Variants in C8G observed in about 807,000 individuals in gnomAD.
C8G encodes complement component C8 gamma chain.
C8G carries 38 observed loss-of-function variants against 29.1 expected under a neutral mutation model. The ratio of observed to expected loss-of-function variants is 1.31; its 90% CI spans 1.01 to 1.71. The LOEUF (loss-of-function observed/expected upper bound fraction) is 1.71. C8G is among the 40% of genes most tolerant of loss of function. The probability of loss-of-function intolerance (pLI) is 0.00; values close to 1 mark genes in which losing one functional copy is unlikely to be tolerated. For synonymous variants in C8G, 158 were observed against 113.2 expected (o/e 1.40, Z -2.51); for missense variants, 300 against 267.4 (o/e 1.12, Z -0.85).
Position 136,946,157 on chromosome 9 carries a change from T to C in C8G, c.419T>C (p.Leu140Pro). The change falls in exon 4 of 7, where the codon CTG (leucine) becomes CCG (proline). Residue 140 changes from leucine (L) to proline (P), a missense_variant. Physicochemically the swap from Leu to Pro is moderately conservative, Grantham distance 98. Transcript: ENST00000371634. Reference sequence around the variant, plus strand: ...TACCAGAGTTTCGCTGTCCTGTACCTGGAGCGGGCGGGGCAGCTGTCAGTG... The same window carrying C: ...TACCAGAGTTTCGCTGTCCTGTACCCGGAGCGGGCGGGGCAGCTGTCAGTG... ...TDYQSFAVLYLERAGQLSVKL... is the reference protein window; with the variant it reads ...TDYQSFAVLYPERAGQLSVKL... 1 of 1,573,040 alleles carries C rather than the reference T, an allele frequency of 6.4e-7. No individual in the cohort carries two copies. The highest frequency in any genetic ancestry group is 8.6e-7 in the Non-Finnish European group (1 of 1,157,454).
At position 136,946,174 on chromosome 9, in the gene C8G, C is replaced by T. The variant is rs1564442057; in HGVS notation, c.436C>T (p.Leu146=). 6.4e-7 allele frequency: 1 copy of T among 1,563,676 alleles called. No homozygotes were observed. The change falls in exon 4 of 7, where the codon CTG becomes TTG. Residue 146 remains leucine (L), a synonymous_variant. Coordinates refer to ENST00000371634, the MANE Select transcript of C8G (RefSeq NM_000606.3). ...CCTGTACCTGGAGCGGGCGGGGCAGCTGTCAGTGAAGCTCTACGGTATGTG... is the reference window on the plus strand; with the variant it reads ...CCTGTACCTGGAGCGGGCGGGGCAGTTGTCAGTGAAGCTCTACGGTATGTG... The part of the protein sequence containing the change: ...AVLYLERAGQ[L]SVKLYARSLP...
At chr9:136,945,541 G>C (rs1851006139) in intron 1 of C8G, 83 bp downstream of exon 1, 3 of 1,547,980 alleles carry the variant, frequency 1.9e-6, no homozygotes, top group East Asian at 2.4e-5. Flanking sequence ...TTGCGGGGGA[G>C]AGGGAAGCAG....
In C8G at chr9:136,946,908, T is replaced by A; in HGVS notation, c.*127T>A. Reference sequence around the variant, plus strand: ...GGGCCCTGCCACCCAGGGCAGGGGATCTTCTGCCGGCTGCCCCAGAGGACA... The same window carrying A: ...GGGCCCTGCCACCCAGGGCAGGGGAACTTCTGCCGGCTGCCCCAGAGGACA... On this transcript the variant is annotated 3_prime_UTR_variant, in exon 7 of 7. Coordinates refer to ENST00000371634, the MANE Select transcript of C8G (RefSeq NM_000606.3). The A allele has an allele frequency of 8.1e-7, 1 of 1,228,002 alleles. No homozygotes were observed. The highest frequency in any genetic ancestry group is 1.2e-6 in the Non-Finnish European group (1 of 868,342). The allele number at this position is 1,228,002 out of a possible 1,614,324, so 76.1% of individuals were successfully genotyped here. A position where few individuals can be genotyped will look rare whatever the true frequency, so the allele number is the denominator to read the frequency against.
At chr9:136,945,820 C>A in intron 2 of C8G, 50 bp downstream of exon 2, 1 of 1,539,230 alleles carries the variant, frequency 6.5e-7, no homozygotes, top group Non-Finnish European at 8.8e-7. Context: ...CCTCTCAGCC[C>A]CCGGACTTCA....
At position 136,946,699 on chromosome 9, in the gene C8G, C is replaced by T. The variant is rs1851052378; in HGVS notation, c.595+10C>T. The stretch of plus-strand genomic sequence containing the variant: ...TTCCACGTCCTGGACGGTGAGTGCA[C>T]AGCGGGGCAAGCATGGCGGCGTGGT... On this transcript the variant is annotated intron_variant, in intron 6 of 6. Transcript: ENST00000371634. 6.2e-7 allele frequency: 1 copy of T among 1,611,980 alleles called. No individual in the cohort carries two copies. The highest frequency in any genetic ancestry group is 8.5e-7 in the Non-Finnish European group (1 of 1,179,974).
chr9:136,945,910 C>T lies in C8G; in HGVS notation c.276-19C>T. 6.4e-7 allele frequency: 1 copy of T among 1,553,016 alleles called. No individual in the cohort carries two copies. Among genetic ancestry groups the T allele is most frequent in the Non-Finnish European group, 8.7e-7 (1 of 1,148,578 alleles). The stretch of plus-strand genomic sequence containing the variant: ...GTTGGGGTCTCCCAGCCTGTGGTGC[C>T]TCCTCCCCGCCCCCCCAGGGATGGG... On this transcript the variant is annotated intron_variant, in intron 2 of 6. Coordinates refer to ENST00000371634, the MANE Select transcript of C8G (RefSeq NM_000606.3).
chr9:136,946,832 C>A lies in C8G; in HGVS notation c.*51C>A, dbSNP rs754803087. ...GAAGTCAGTGCCCCGAGAGACGACC[C>A]CACCAGTGGGGTGCCCGCTGCCTGT... On this transcript the variant is annotated 3_prime_UTR_variant, in exon 7 of 7. Coordinates refer to ENST00000371634, the MANE Select transcript of C8G (RefSeq NM_000606.3). 13 of 1,539,810 alleles carry A rather than the reference C, an allele frequency of 8.4e-6. No individual in the cohort carries two copies. In the Admixed American group the frequency reaches 1.6e-4, roughly 18 times the overall value.
intron 1 of C8G, 82 bp from the exon 2 acceptor site, chr9:136,945,552 G>T: frequency 1.9e-6 from 3 of 1,558,696 alleles, no homozygotes. Context: ...AGGGAAGCAG[G>T]TGAAGTTGTG....
rs78405347 is a variant in C8G at position 136,946,565 on chromosome 9, C to T, written c.555C>T (p.Tyr185=). ...ACCAGATCTTCTACTTCCCCAAGTA[C>T]GGTGAGTGTCCCCAGCAGGTCCCCA... is the stretch of plus-strand genomic sequence containing the variant. The part of the protein sequence containing the change: ...TEDQIFYFPK[Y]GFCEAADQFH... The change falls in exon 5 of 7, where the codon TAC becomes TAT. Residue 185 remains tyrosine, a splice_region_variant and synonymous_variant. Coordinates refer to ENST00000371634, the MANE Select transcript of C8G (RefSeq NM_000606.3). 2,664 of 1,612,758 alleles carry T rather than the reference C, an allele frequency of 1.7e-3. 40 individuals are homozygous for T. The African/African-American group carries it at 0.03, about 18-fold the overall frequency.
Position 136,945,326 on chromosome 9 carries a change from G to C in C8G, c.6G>C (p.Leu2=). The C allele has an allele frequency of 6.2e-7, 1 of 1,606,192 alleles. No homozygotes were observed. Among genetic ancestry groups the C allele is most frequent in the East Asian group, 2.2e-5 (1 of 44,672 alleles). The part of the protein sequence containing the change: M[L]PPGTATLLTL... ...GCCACCCTGCTGCCGCCACCATGCT[G>C]CCCCCTGGGACTGCGACCCTCTTGA... The change falls in exon 1 of 7, where the codon CTG becomes CTC. Residue 2 remains leucine (L), a synonymous_variant. Coordinates refer to ENST00000371634, the MANE Select transcript of C8G (RefSeq NM_000606.3).
chr9:136,945,842 G>A (rs1851017767), intron 2 of C8G, 72 bp downstream of exon 2: 2 of 1,541,266 alleles, frequency 1.3e-6, no homozygotes. Context: ...CCCTGCTCTG[G>A]CCCCTGACCC....
At position 136,945,316 on chromosome 9, in the gene C8G, C is replaced by T; in HGVS notation, c.-5C>T. ...CCACAGTCCTGCCACCCTGCTGCCG[C>T]CACCATGCTGCCCCCTGGGACTGCG... On this transcript the variant is annotated 5_prime_UTR_variant, in exon 1 of 7. Coordinates refer to ENST00000371634, the MANE Select transcript of C8G (RefSeq NM_000606.3). 1 of 1,598,812 alleles carries T rather than the reference C, an allele frequency of 6.3e-7. No homozygotes were observed. Among genetic ancestry groups the T allele is most frequent in the Non-Finnish European group, 8.5e-7 (1 of 1,170,590 alleles).
chr9:136,946,247 C>T (rs1851035423), intron 4 of C8G, 55 bp downstream of exon 4: 7 of 1,460,702 alleles, frequency 4.8e-6, no homozygotes, highest in Admixed American at 2.2e-5. Context: ...TGCACACTCA[C>T]TGGGCCACCC....
At chr9:136,945,507 G>A in intron 1 of C8G, 49 bp downstream of exon 1, 1 of 1,544,954 alleles carries the variant, frequency 6.5e-7, no homozygotes, top group South Asian at 1.2e-5. Flanking sequence ...TGTGGGAGGG[G>A]TAGAGGGAGA....
intron 1 of C8G, 80 bp from the exon 2 acceptor site, chr9:136,945,554 G>T: frequency 6.4e-7 from 1 of 1,559,246 alleles, no homozygotes; most frequent in Non-Finnish European, 8.7e-7. Flanking sequence ...GGAAGCAGGT[G>T]AAGTTGTGGG....
Position 136,945,919 on chromosome 9 carries a change from G to GC in C8G, c.276-3dup, listed in dbSNP as rs201974346. ...TCCCAGCCTGTGGTGCCTCCTCCCC[G>GC]CCCCCCCAGGGATGGGATCTGCTGG... On this transcript the variant is annotated splice_polypyrimidine_tract_variant and intron_variant, in intron 2 of 6. Coordinates refer to ENST00000371634, the MANE Select transcript of C8G (RefSeq NM_000606.3). The GC allele has an allele frequency of 0.046, 71,116 of 1,555,582 alleles. 1,981 individuals are homozygous for GC. Among genetic ancestry groups the GC allele is most frequent in the South Asian group, 0.094 (7,978 of 84,676 alleles).
At position 136,945,775 on chromosome 9, in the gene C8G, GTCC is replaced by G; in HGVS notation, c.275+6_275+8del. The G allele has an allele frequency of 6.5e-7, 1 of 1,550,070 alleles. No homozygotes were observed. Among genetic ancestry groups the G allele is most frequent in the East Asian group, 2.4e-5 (1 of 41,326 alleles). ...TGTCAGTACCTTCCGAAAGCTGTGA[GTCC>G]CAGAGCAGCCCTGCACCCTAACCCC... is the stretch of plus-strand genomic sequence containing the variant. On this transcript the variant is annotated splice_donor_region_variant and intron_variant, in intron 2 of 6. Transcript: ENST00000371634.
chr9:136,946,188 C>T lies in C8G; in HGVS notation c.450C>T (p.Leu150=), dbSNP rs1314876238. The stretch of plus-strand genomic sequence containing the variant: ...GGGCGGGGCAGCTGTCAGTGAAGCT[C>T]TACGGTATGTGGGGGCCAGCCTCTG... ...LERAGQLSVK[L]YARSLPVSDS... is the part of the protein sequence containing the mutation. Residue 150 remains leucine, a synonymous_variant, in exon 4 of 7, where the codon CTC becomes CTT. Coordinates refer to ENST00000371634, the MANE Select transcript of C8G (RefSeq NM_000606.3). 1 of 1,559,560 alleles carries T rather than the reference C, an allele frequency of 6.4e-7. No individual in the cohort carries two copies. The highest frequency in any genetic ancestry group is 8.7e-7 in the Non-Finnish European group (1 of 1,152,208).
chr9:136,946,925 C>A lies in C8G; in HGVS notation c.*144C>A. On this transcript the variant is annotated 3_prime_UTR_variant, in exon 7 of 7. Transcript: ENST00000371634. ...GCAGGGGATCTTCTGCCGGCTGCCC[C>A]AGAGGACAGTGGGTGGAGTGGTACC... 9.7e-7 allele frequency: 1 copy of A among 1,034,572 alleles called. No homozygotes were observed. The highest frequency in any genetic ancestry group is 1.4e-6 in the Non-Finnish European group (1 of 693,100). The allele number at this position is 1,034,572 out of a possible 1,614,324, so 64.1% of individuals were successfully genotyped here. A position where few individuals can be genotyped will look rare whatever the true frequency, so the allele number is the denominator to read the frequency against.
Sources: allele counts gnomAD v4.1 joint callset, GRCh38; gene constraint gnomAD v4.1.1; transcripts MANE v1.5; gene names NCBI Gene and HGNC (gene_info 2026-07-23, HGNC 2026-07-21).